EYS: variants seen among roughly 807,000 people sequenced by gnomAD.
EYS encodes EGF-like photoreceptor maintenance factor.
A neutral mutation model predicts 282.1 loss-of-function variants in EYS; 250 were observed. That is an observed-to-expected ratio of 0.89 (90% confidence interval 0.80 to 0.98). The LOEUF is 0.98. Ranked by LOEUF, EYS falls within the 50% of genes least tolerant of loss-of-function variation. The pLI, the probability that EYS is intolerant of heterozygous loss-of-function variation, is 0.00. For synonymous variants in EYS, 1,355 were observed against 1,282.9 expected (o/e 1.06, Z -1.20); for missense variants, 4,016 against 3,709.0 (o/e 1.08, Z -2.15).
intron 26 of EYS, among the ~76,000 whole-genome samples, chr6:64,459,797 G>T (rs963172161): frequency 6.6e-6 from 1 of 151,964 alleles, no homozygotes; most frequent in African/African-American, 2.4e-5. Flanking sequence ...ATTGAGGGTG[G>T]GTCTGTCTCT....
intron 13 of EYS, among the ~76,000 whole-genome samples, chr6:65,027,013 G>A (rs1772438698): frequency 7.3e-6 from 1 of 137,204 alleles, no homozygotes; most frequent in South Asian, 2.3e-4. Context: ...TTGCCTATTT[G>A]TAATGTGTGT....
intron 30 of EYS, among the ~76,000 whole-genome samples, chr6:64,268,155 C>T (rs1373680753): frequency 2.0e-5 from 3 of 151,784 alleles, no homozygotes; most frequent in African/African-American, 7.3e-5. Context: ...TATGTCACAT[C>T]CATAAAATTA....
At chr6:65,549,005 C>A (rs866539230) in intron 2 of EYS, among the ~76,000 whole-genome samples, 15 of 152,218 alleles carry the variant, frequency 9.9e-5, no homozygotes, top group Middle Eastern at 3.4e-3. Context: ...GGCATTAGAT[C>A]CCTCACATGC....
At position 64,761,706 on chromosome 6, in the gene EYS, C is replaced by T. The variant is rs190904782; in HGVS notation, c.3443+51672G>A. 7.2e-5 allele frequency among the ~76,000 whole-genome samples: 11 copies of T among 152,260 alleles called. 1 individual carries two copies. The East Asian group carries it at 1.2e-3, about 16-fold the overall frequency. On this transcript the variant is annotated intron_variant, in intron 22 of 42. Transcript: ENST00000503581. Reference sequence around the variant, plus strand: ...TACTGACCTAGTGATCGGCCCACCTCGGCCTCCCAAAGTGCTGGGATTACA... The same window carrying T: ...TACTGACCTAGTGATCGGCCCACCTTGGCCTCCCAAAGTGCTGGGATTACA...
chr6:64,310,864 C>T (rs1769668978), intron 29 of EYS, among the ~76,000 whole-genome samples: 1 of 151,924 alleles, frequency 6.6e-6, no homozygotes, highest in Admixed American at 6.5e-5. Flanking sequence ...GTGCTGGAAC[C>T]ACGTTGAATT....
chr6:63,902,455 A>C (rs943327005), intron 35 of EYS, among the ~76,000 whole-genome samples: 2 of 152,182 alleles, frequency 1.3e-5, no homozygotes, highest in Non-Finnish European at 2.9e-5. Context: ...CAGCAAACAA[A>C]GGGATCTATA....
At chr6:63,893,096 G>A (rs1434820149) in intron 35 of EYS, among the ~76,000 whole-genome samples, 1 of 152,204 alleles carries the variant, frequency 6.6e-6, no homozygotes, top group East Asian at 1.9e-4. Context: ...TGGAGAGGAT[G>A]TGGAGAAATA....
chr6:63,930,280 A>C (rs200022520), intron 35 of EYS, among the ~76,000 whole-genome samples: 4,287 of 125,418 alleles, frequency 0.034, no homozygotes, highest in Non-Finnish European at 0.036. Context: ...TAAGAAACCC[A>C]CCCCCCCCAC....
intron 31 of EYS, among the ~76,000 whole-genome samples, chr6:64,167,451 T>C (rs916969583): frequency 6.6e-6 from 1 of 152,094 alleles, no homozygotes; most frequent in Admixed American, 6.5e-5. Context: ...CACTTGGCTT[T>C]TTTTCTTTCA....
chr6:64,079,814 C>A lies in EYS; in HGVS notation c.6571+2042G>T, dbSNP rs376705720. ...TTCAATTCCCACCTATCAGAATATG[C>A]GATGTTTGGTTTTTTGTCCTTGCCA... On this transcript the variant is annotated intron_variant, in intron 32 of 42. Transcript: ENST00000503581. Among the ~76,000 whole-genome samples, 22 of 152,074 alleles carry A rather than the reference C, an allele frequency of 1.4e-4. No individual in the cohort carries two copies. In the East Asian group the frequency reaches 3.7e-3, roughly 25 times the overall value.
At chr6:65,074,912 C>T (rs775346962) in intron 12 of EYS, among the ~76,000 whole-genome samples, 1 of 151,824 alleles carries the variant, frequency 6.6e-6, no homozygotes, top group Non-Finnish European at 1.5e-5. Flanking sequence ...TAAGATTACT[C>T]CAAAAACTAG....
chr6:64,507,571 T>C (rs1012598617), intron 26 of EYS, among the ~76,000 whole-genome samples: 3 of 152,194 alleles, frequency 2.0e-5, no homozygotes, highest in Non-Finnish European at 4.4e-5. Context: ...AATAAGAGAC[T>C]GCATCATATT....
chr6:65,309,355 C>T (rs1214956097), intron 11 of EYS, among the ~76,000 whole-genome samples: 1 of 152,144 alleles, frequency 6.6e-6, no homozygotes, highest in Non-Finnish European at 1.5e-5. Flanking sequence ...TCAAAACCAA[C>T]ACTATAGAAA....
At chr6:64,904,515 T>C (rs1767765404) in intron 16 of EYS, among the ~76,000 whole-genome samples, 1 of 152,212 alleles carries the variant, frequency 6.6e-6, no homozygotes, top group Non-Finnish European at 1.5e-5. Context: ...TTAGATTCTA[T>C]TTTCAAAAGA....
Position 65,624,359 on chromosome 6 carries a change from C to T in EYS, c.-333+15419G>A, listed in dbSNP as rs546428574. 2.0e-4 allele frequency among the ~76,000 whole-genome samples: 31 copies of T among 152,232 alleles called. 1 individual carries two copies. In the South Asian group the frequency reaches 6.0e-3, roughly 30 times the overall value. Reference sequence around the variant, plus strand: ...AGCTTACATGCTAAAAGAAACTTTGCAGAGGTGATGAAGGGTATGATGAGG... The same window carrying T: ...AGCTTACATGCTAAAAGAAACTTTGTAGAGGTGATGAAGGGTATGATGAGG... On this transcript the variant is annotated intron_variant, in intron 2 of 42. Transcript: ENST00000503581.
At chr6:64,397,332 C>G (rs972969342) in intron 28 of EYS, among the ~76,000 whole-genome samples, 2 of 152,060 alleles carry the variant, frequency 1.3e-5, no homozygotes, top group African/African-American at 2.4e-5. Context: ...CAAGCCTATG[C>G]TGTCCTCACA....
chr6:65,033,479 C>A (rs1772667877), intron 13 of EYS, among the ~76,000 whole-genome samples: 1 of 152,130 alleles, frequency 6.6e-6, no homozygotes, highest in South Asian at 2.1e-4. Flanking sequence ...GGTCACAAGG[C>A]CCTTTTGAAG....
chr6:64,039,375 T>TA (rs569004463), intron 33 of EYS, among the ~76,000 whole-genome samples: 1 of 152,174 alleles, frequency 6.6e-6, no homozygotes, highest in Non-Finnish European at 1.5e-5. Flanking sequence ...TGAGGCATGG[T>TA]ATTGCAAAGC....
intron 9 of EYS, 86 bp downstream of exon 9, chr6:65,353,372 A>T: frequency 8.8e-7 from 1 of 1,132,100 alleles, no homozygotes; most frequent in Non-Finnish European, 1.3e-6. Flanking sequence ...GATATAAAAT[A>T]CTTTGTGTGT....
Sources: gnomAD v4.1 joint callset for allele counts (sites outside exome capture counted in the v4.1 genomes callset) on GRCh38, gnomAD v4.1.1 for gene constraint, MANE v1.5 for transcripts, NCBI Gene and HGNC (gene_info 2026-07-23, HGNC 2026-07-21) for gene names.